The following CUL5 variants were observed in gnomAD, a reference collection of about 807,000 sequenced individuals.
The protein encoded by CUL5 is cullin 5.
In CUL5, 26 loss-of-function variants were observed where a neutral mutation model predicts 108.8. The ratio of observed to expected loss-of-function variants is 0.24; its 90% CI spans 0.18 to 0.33. CUL5 has a LOEUF of 0.33. Ranked by LOEUF, CUL5 falls within the 10% of genes least tolerant of loss-of-function variation. The pLI is 1.00. For synonymous variants in CUL5, 334 were observed against 298.0 expected (o/e 1.12, Z -1.25); for missense variants, 524 against 909.2 (o/e 0.58, Z 5.45).
intron 10 of CUL5, among the ~76,000 whole-genome samples, chr11:108,075,171 G>A (rs1167197966): frequency 6.6e-6 from 1 of 151,966 alleles, no homozygotes; most frequent in East Asian, 1.9e-4. Context: ...GATGGTAGAG[G>A]TGGTCAAAAG....
intron 2 of CUL5, among the ~76,000 whole-genome samples, chr11:108,037,416 C>T (rs1862774483): frequency 6.6e-6 from 1 of 152,164 alleles, no homozygotes; most frequent in African/African-American, 2.4e-5. Flanking sequence ...AAGGTCACCC[C>T]TAGGCTCAGT....
At chr11:108,049,794 TA>T (rs1159137377) in intron 3 of CUL5, 95 bp from the exon 4 acceptor site, 2 of 987,118 alleles carry the variant, frequency 2.0e-6, no homozygotes, top group East Asian at 2.7e-5. Context: ...TACAATAATT[TA>T]AAAATTATGT....
At chr11:108,029,570 G>A (rs1862527488) in intron 1 of CUL5, among the ~76,000 whole-genome samples, 1 of 152,214 alleles carries the variant, frequency 6.6e-6, no homozygotes, top group South Asian at 2.1e-4. Flanking sequence ...CTGTTTTGTA[G>A]ATAGTGGATT....
At chr11:108,047,538 G>A (rs905319930) in intron 3 of CUL5, among the ~76,000 whole-genome samples, 2 of 152,028 alleles carry the variant, frequency 1.3e-5, no homozygotes, top group Admixed American at 6.6e-5. Context: ...TATATGATTG[G>A]CATATATTTT....
At chr11:108,084,722 A>G (rs1418480654) in intron 11 of CUL5, among the ~76,000 whole-genome samples, 1 of 152,262 alleles carries the variant, frequency 6.6e-6, no homozygotes, top group African/African-American at 2.4e-5. Context: ...GAGTTAGCAC[A>G]TAAGGACTTT....
At chr11:108,056,877 G>A (rs930871249) in intron 7 of CUL5, among the ~76,000 whole-genome samples, 1 of 152,170 alleles carries the variant, frequency 6.6e-6, no homozygotes, top group Non-Finnish European at 1.5e-5. Flanking sequence ...AGAGAATCAA[G>A]CCAATAATGT....
chr11:108,023,248 A>G (rs1862370836), intron 1 of CUL5, among the ~76,000 whole-genome samples: 2 of 152,224 alleles, frequency 1.3e-5, no homozygotes, highest in Admixed American at 6.5e-5. Flanking sequence ...ACTCTGTATC[A>G]AAAACAAAAC....
At chr11:108,095,951 C>A (rs1211695186) in intron 16 of CUL5, among the ~76,000 whole-genome samples, 1 of 151,534 alleles carries the variant, frequency 6.6e-6, no homozygotes, top group Non-Finnish European at 1.5e-5. Flanking sequence ...CAAAAATTAG[C>A]TGGGCGTGGT....
intron 7 of CUL5, among the ~76,000 whole-genome samples, chr11:108,057,261 C>T (rs1004689125): frequency 2.0e-5 from 3 of 152,080 alleles, no homozygotes; most frequent in Non-Finnish European, 2.9e-5. Context: ...CTCCTGGGCT[C>T]GAGCAGTTCT....
At chr11:108,037,160 T>C (rs927006245) in intron 2 of CUL5, among the ~76,000 whole-genome samples, 4 of 152,134 alleles carry the variant, frequency 2.6e-5, no homozygotes, top group Non-Finnish European at 5.9e-5. Flanking sequence ...CTCTGTTTTT[T>C]CTCTCTTCAC....
At chr11:108,051,619 A>G (rs1292345220) in intron 4 of CUL5, among the ~76,000 whole-genome samples, 3 of 152,230 alleles carry the variant, frequency 2.0e-5, no homozygotes, top group Admixed American at 1.3e-4. Context: ...GAGTACTGAT[A>G]TAATCACCAA....
At chr11:108,097,091 C>G (rs979334738) in intron 16 of CUL5, among the ~76,000 whole-genome samples, 12 of 152,278 alleles carry the variant, frequency 7.9e-5, no homozygotes, top group Non-Finnish European at 1.8e-4. Context: ...AATCTCAGCT[C>G]ACTGCAACCT....
chr11:108,060,909 C>G (rs1375106527), intron 7 of CUL5, among the ~76,000 whole-genome samples: 1 of 151,834 alleles, frequency 6.6e-6, no homozygotes. Context: ...TGAATTCATT[C>G]ATTCAACAGG....
intron 13 of CUL5, among the ~76,000 whole-genome samples, chr11:108,091,434 T>TA: frequency 6.6e-6 from 1 of 151,860 alleles, no homozygotes; most frequent in Non-Finnish European, 1.5e-5. Context: ...CTCACACCTG[T>TA]AATCCCAGCA....
At chr11:108,049,839 T>G in intron 3 of CUL5, 51 bp from the exon 4 acceptor site, 1 of 1,474,144 alleles carries the variant, frequency 6.8e-7, no homozygotes, top group Non-Finnish European at 9.3e-7. Flanking sequence ...ATGTTCTTAA[T>G]TTTTCAAAGC....
chr11:108,018,681 A>T (rs1862260240), intron 1 of CUL5, among the ~76,000 whole-genome samples: 1 of 151,976 alleles, frequency 6.6e-6, no homozygotes, highest in South Asian at 2.1e-4. Context: ...TCTTAAAAAA[A>T]AAAGAGAGAG....
intron 2 of CUL5, among the ~76,000 whole-genome samples, chr11:108,043,720 A>T (rs1862995285): frequency 6.6e-6 from 1 of 152,234 alleles, no homozygotes; most frequent in Non-Finnish European, 1.5e-5. Flanking sequence ...TGCTATGAAG[A>T]TAAAATAAGT....
At position 108,056,504 on chromosome 11, in the gene CUL5, T is replaced by G. The variant is rs138912773; in HGVS notation, c.780+1549T>G. Among the ~76,000 whole-genome samples the G allele has an allele frequency of 2.7e-3, 417 of 152,310 alleles. 1 individual carries two copies. Among genetic ancestry groups the G allele is most frequent in the African/African-American group, 9.5e-3 (396 of 41,574 alleles). On this transcript the variant is annotated intron_variant, in intron 7 of 18. Transcript: ENST00000393094. ...CTTGATTTGCAGTATGTATCCTCTTTGGTTGAAATAGTTTTGATATTGGCA... is the reference window on the plus strand; with the variant it reads ...CTTGATTTGCAGTATGTATCCTCTTGGGTTGAAATAGTTTTGATATTGGCA...
intron 2 of CUL5, among the ~76,000 whole-genome samples, chr11:108,045,574 A>G (rs1863045294): frequency 6.6e-6 from 1 of 152,142 alleles, no homozygotes; most frequent in Non-Finnish European, 1.5e-5. Flanking sequence ...GACAGAGTAT[A>G]TAACAAAGCT....
Sources: allele counts gnomAD v4.1 joint callset (sites outside exome capture counted in the v4.1 genomes callset), GRCh38; gene constraint gnomAD v4.1.1; transcripts MANE v1.5; gene names NCBI Gene and HGNC (gene_info 2026-07-23, HGNC 2026-07-21).